TENM2: variants seen among roughly 807,000 people sequenced by gnomAD.
TENM2 encodes the protein teneurin-2.
A neutral mutation model predicts 245.2 loss-of-function variants in TENM2; 52 were observed. That is an observed-to-expected ratio of 0.21 (90% CI 0.17 to 0.27). TENM2 has a LOEUF of 0.27. Among genes scored for constraint, TENM2 ranks in the 10% least tolerant of loss-of-function variants. The pLI is 1.00. For missense variants in TENM2, 3,046 were observed against 3,666.8 expected, an observed-to-expected ratio of 0.83 and a Z score of 4.37; for synonymous variants, 1,363 against 1,438.9, an observed-to-expected ratio of 0.95 and a Z score of 1.19.
At chr5:167,187,937 C>G in the TENM2 span, among the ~76,000 whole-genome samples, 2 of 152,128 alleles carry the variant, frequency 1.3e-5, no homozygotes, top group African/African-American at 4.8e-5. Context: ...CTCCCCCTGG[C>G]AGAGGCTGTT....
At chr5:168,090,218 CCACACACACACACACA>C (rs3083413) in intron 7 of TENM2, among the ~76,000 whole-genome samples, 9 of 136,794 alleles carry the variant, frequency 6.6e-5, no homozygotes, top group Middle Eastern at 7.4e-3. Context: ...ACTCCCCCCA[CCACACACACACACACA>C]CACACACACA....
intron 3 of TENM2, among the ~76,000 whole-genome samples, chr5:167,891,708 A>G (rs1440683248): frequency 6.6e-6 from 1 of 152,176 alleles, no homozygotes; most frequent in East Asian, 1.9e-4. Flanking sequence ...GTGGACTGTC[A>G]GCATATTTTG....
chr5:167,431,937 ATACATATATATG>A (rs1366386866), intron 2 of TENM2, among the ~76,000 whole-genome samples: 1 of 83,366 alleles, frequency 1.2e-5, no homozygotes, highest in East Asian at 2.3e-4. Context: ...ACATATATAT[ATACATATATATG>A]TATATATATA....
chr5:167,337,564 T>C (rs576537074), intron 1 of TENM2, among the ~76,000 whole-genome samples: 2 of 152,148 alleles, frequency 1.3e-5, no homozygotes, highest in Non-Finnish European at 2.9e-5. Flanking sequence ...AAATAATTAT[T>C]TGTAAAAATG....
At chr5:167,805,033 G>A (rs1278433518) in intron 2 of TENM2, among the ~76,000 whole-genome samples, 1 of 152,146 alleles carries the variant, frequency 6.6e-6, no homozygotes, top group African/African-American at 2.4e-5. Flanking sequence ...CTGCACCTGG[G>A]AATGAAGTTC....
chr5:167,865,236 T>C (rs2151309475), intron 2 of TENM2, among the ~76,000 whole-genome samples: 1 of 152,322 alleles, frequency 6.6e-6, no homozygotes, highest in African/African-American at 2.4e-5. Context: ...GTGAGAAGCT[T>C]TCATAATTAG....
chr5:167,518,051 A>G (rs7706381), intron 2 of TENM2, among the ~76,000 whole-genome samples: 7,064 of 151,918 alleles, frequency 0.046, 422 homozygotes, highest in African/African-American at 0.14. Flanking sequence ...GTCGGATGTT[A>G]CGGCGCACAC....
chr5:167,883,698 A>G lies in TENM2; in HGVS notation c.712+7503A>G, dbSNP rs1211888979. ...TCCTAGGCAAGCCCAGAGACTGGGA[A>G]CTACAAGTGATATCTTAACAGTTTC... On this transcript the variant is annotated intron_variant, in intron 3 of 28. Coordinates refer to ENST00000518659, the Ensembl canonical transcript of TENM2. 2.6e-5 allele frequency among the ~76,000 whole-genome samples: 4 copies of G among 152,338 alleles called. No individual in the cohort carries two copies. In the East Asian group the frequency reaches 7.7e-4, roughly 29 times the overall value.
At chr5:167,485,845 T>C (rs931007963) in intron 2 of TENM2, among the ~76,000 whole-genome samples, 1 of 152,172 alleles carries the variant, frequency 6.6e-6, no homozygotes, top group Non-Finnish European at 1.5e-5. Context: ...TCTGTTTTAA[T>C]GTAGAAAAGT....
the TENM2 span, among the ~76,000 whole-genome samples, chr5:167,247,516 G>GA: frequency 8.0e-5 from 12 of 150,572 alleles, no homozygotes; most frequent in African/African-American, 1.9e-4. Flanking sequence ...TGTGTTGGAG[G>GA]AAAAAAAAAT....
At chr5:167,068,029 C>G in the TENM2 span, among the ~76,000 whole-genome samples, 1 of 152,188 alleles carries the variant, frequency 6.6e-6, no homozygotes, top group Admixed American at 6.5e-5. Context: ...GCACATTGGT[C>G]AAACACTTTC....
intron 2 of TENM2, among the ~76,000 whole-genome samples, chr5:167,753,340 G>A (rs1322623614): frequency 6.6e-6 from 1 of 152,164 alleles, no homozygotes; most frequent in African/African-American, 2.4e-5. Context: ...GACTATCCTG[G>A]CTCTGTATTT....
chr5:167,848,454 CAT>C (rs755490605), intron 2 of TENM2, among the ~76,000 whole-genome samples: 14 of 152,118 alleles, frequency 9.2e-5, no homozygotes, highest in Admixed American at 7.2e-4. Flanking sequence ...ATATATAAAA[CAT>C]ATTATATATT....
the TENM2 span, among the ~76,000 whole-genome samples, chr5:167,206,283 T>G: frequency 1.3e-5 from 2 of 152,176 alleles, no homozygotes; most frequent in Admixed American, 1.3e-4. Flanking sequence ...TTCTCTTCTG[T>G]TTCTTTGTAT....
At chr5:168,158,829 G>GTGTATATATATATATA (rs1397260649) in intron 12 of TENM2, among the ~76,000 whole-genome samples, 5 of 63,718 alleles carry the variant, frequency 7.8e-5, no homozygotes, top group Non-Finnish European at 1.2e-4. Context: ...GTGTGTGTGT[G>GTGTATATATATATATA]TATATATATA....
intron 4 of TENM2, among the ~76,000 whole-genome samples, chr5:167,973,564 G>T (rs1303623860): frequency 1.3e-5 from 2 of 152,152 alleles, no homozygotes; most frequent in Admixed American, 1.3e-4. Context: ...GAGCTCAGGG[G>T]ACTCTACGGA....
intron 2 of TENM2, among the ~76,000 whole-genome samples, chr5:167,830,049 T>C (rs1377088354): frequency 6.6e-6 from 1 of 152,250 alleles, no homozygotes; most frequent in Non-Finnish European, 1.5e-5. Context: ...TGCATTTCCA[T>C]GTGACTTCAC....
chr5:167,582,978 A>G (rs142435494), intron 2 of TENM2, among the ~76,000 whole-genome samples: 13 of 152,322 alleles, frequency 8.5e-5, no homozygotes, highest in Non-Finnish European at 1.8e-4. Context: ...TTTATTTTAT[A>G]TATTAAGCTA....
chr5:167,744,453 A>C (rs2150607428), intron 2 of TENM2, among the ~76,000 whole-genome samples: 1 of 152,308 alleles, frequency 6.6e-6, no homozygotes, highest in South Asian at 2.1e-4. Flanking sequence ...TCAGAACTGC[A>C]GTGAGAGAGG....
Sources: gnomAD v4.1 joint callset for allele counts (sites outside exome capture counted in the v4.1 genomes callset) on GRCh38, gnomAD v4.1.1 for gene constraint, MANE v1.5 for transcripts, NCBI Gene and HGNC (gene_info 2026-07-23, HGNC 2026-07-21) for gene names.